Variants in GFRA2 observed in about 807,000 individuals in gnomAD.
The protein encoded by GFRA2 is GDNF family receptor alpha 2.
In GFRA2, 17 loss-of-function variants were observed where a neutral mutation model predicts 48.3. The observed-to-expected ratio is 0.35, with a 90% CI of 0.24 to 0.53. GFRA2 has a LOEUF of 0.53. GFRA2 is among the 20% of genes least tolerant of loss of function. GFRA2 has a pLI of 0.93. For synonymous variants in GFRA2, 305 were observed against 257.2 expected (o/e 1.19, Z -1.78); for missense variants, 660 against 637.3 (o/e 1.04, Z -0.38).
intron 3 of GFRA2, among the ~76,000 whole-genome samples, chr8:21,769,443 G>T (rs1332019914): frequency 6.6e-6 from 1 of 152,194 alleles, no homozygotes; most frequent in Non-Finnish European, 1.5e-5. Context: ...AGCACCTAGG[G>T]TGCTCCTGTG....
At chr8:21,732,662 G>A (rs937822933) in intron 4 of GFRA2, among the ~76,000 whole-genome samples, 5 of 152,250 alleles carry the variant, frequency 3.3e-5, no homozygotes, top group African/African-American at 1.2e-4. Flanking sequence ...GCAGGCCACA[G>A]ACAGGGGCAG....
At chr8:21,728,169 C>T (rs1803977921) in intron 4 of GFRA2, among the ~76,000 whole-genome samples, 2 of 151,992 alleles carry the variant, frequency 1.3e-5, no homozygotes, top group African/African-American at 4.8e-5. Flanking sequence ...GGTTCTCAAC[C>T]CTCACCATGA....
intron 4 of GFRA2, among the ~76,000 whole-genome samples, chr8:21,736,126 G>C (rs1456363325): frequency 6.6e-6 from 1 of 152,222 alleles, no homozygotes; most frequent in Non-Finnish European, 1.5e-5. Context: ...CCCCTGGAAA[G>C]CCTAGCACAT....
At chr8:21,788,039 GC>G (rs1357946747) in intron 1 of GFRA2, 80 bp downstream of exon 1, 4 of 272,792 alleles carry the variant, frequency 1.5e-5, no homozygotes, top group East Asian at 9.2e-5. Context: ...CCTCCCGCCA[GC>G]CCCCCACCGG....
chr8:21,799,497 T>C (rs1278575593), intron 2 of GFRA2, among the ~76,000 whole-genome samples: 1 of 152,344 alleles, frequency 6.6e-6, no homozygotes, highest in East Asian at 1.9e-4. Flanking sequence ...CACCCAGCCC[T>C]GACCAGAGGA....
chr8:21,775,675 G>A (rs368990720), intron 2 of GFRA2, among the ~76,000 whole-genome samples: 37 of 152,176 alleles, frequency 2.4e-4, no homozygotes, highest in African/African-American at 7.5e-4. Context: ...GAATCTTGCT[G>A]GAGGGGCTGA....
intron 1 of GFRA2, among the ~76,000 whole-genome samples, chr8:21,810,850 C>T (rs796846255): frequency 7.9e-5 from 12 of 152,222 alleles, no homozygotes; most frequent in African/African-American, 2.6e-4. Context: ...CAGAGGAGCC[C>T]CCAGCAACCA....
intron 7 of GFRA2, among the ~76,000 whole-genome samples, chr8:21,696,457 A>T (rs1368377148): frequency 6.6e-6 from 1 of 152,194 alleles, no homozygotes; most frequent in Non-Finnish European, 1.5e-5. Context: ...TTGAGAAAAC[A>T]ACCGACAAGA....
intron 7 of GFRA2, among the ~76,000 whole-genome samples, chr8:21,695,090 T>A (rs954434707): frequency 1.3e-5 from 2 of 152,176 alleles, no homozygotes; most frequent in Non-Finnish European, 2.9e-5. Flanking sequence ...TAGGTGGATA[T>A]CTGGCAACTG....
chr8:21,734,787 T>C (rs1234169153), intron 4 of GFRA2, among the ~76,000 whole-genome samples: 2 of 152,248 alleles, frequency 1.3e-5, no homozygotes, highest in African/African-American at 2.4e-5. Flanking sequence ...TCAGATGAAA[T>C]TCTGCTGTGA....
At chr8:21,772,660 G>C (rs1806492190) in intron 3 of GFRA2, among the ~76,000 whole-genome samples, 1 of 152,178 alleles carries the variant, frequency 6.6e-6, no homozygotes, top group Non-Finnish European at 1.5e-5. Flanking sequence ...GTGGTCCCTG[G>C]AGCACAGAAA....
At chr8:21,703,476 G>C (rs1262928086) in intron 6 of GFRA2, among the ~76,000 whole-genome samples, 1 of 152,016 alleles carries the variant, frequency 6.6e-6, no homozygotes, top group Non-Finnish European at 1.5e-5. Flanking sequence ...CTCTCCCTGG[G>C]TGGCCTCTGC....
intron 6 of GFRA2, among the ~76,000 whole-genome samples, chr8:21,703,969 A>G (rs993624638): frequency 1.3e-5 from 2 of 152,226 alleles, no homozygotes; most frequent in East Asian, 3.8e-4. Flanking sequence ...ATTCCTTCAA[A>G]CACCCACAGT....
At position 21,742,993 on chromosome 8, in the gene GFRA2, A is replaced by G. The variant is rs373376812; in HGVS notation, c.794+7595T>C. Among the ~76,000 whole-genome samples the G allele has an allele frequency of 1.4e-4, 22 of 152,296 alleles. 1 individual carries two copies. The highest frequency in any genetic ancestry group is 1.0e-3 in the South Asian group (5 of 4,828). On this transcript the variant is annotated intron_variant, in intron 4 of 8. Transcript: ENST00000524240. ...TCCTATCTTGTAAACTAGAGCTCTG[A>G]TTTGGAGCTTCTCTCTGTGTTTATT... is the stretch of plus-strand genomic sequence containing the variant.
chr8:21,700,648 G>A (rs541421264), intron 7 of GFRA2, among the ~76,000 whole-genome samples: 2 of 152,298 alleles, frequency 1.3e-5, no homozygotes, highest in African/African-American at 2.4e-5. Flanking sequence ...GGAAGATCTT[G>A]GAGGGTCTTT....
At chr8:21,733,230 A>C (rs1046498428) in intron 4 of GFRA2, among the ~76,000 whole-genome samples, 5 of 151,730 alleles carry the variant, frequency 3.3e-5, no homozygotes, top group Admixed American at 6.6e-5. Flanking sequence ...GGCTGCAGCC[A>C]CTCCTGATCC....
At chr8:21,809,388 G>T (rs918977731) in intron 1 of GFRA2, among the ~76,000 whole-genome samples, 2 of 152,188 alleles carry the variant, frequency 1.3e-5, no homozygotes, top group Non-Finnish European at 2.9e-5. Context: ...GCAGTGGCGC[G>T]ATCTCAGCTC....
intron 3 of GFRA2, among the ~76,000 whole-genome samples, chr8:21,769,752 A>G (rs1806358312): frequency 6.6e-6 from 1 of 152,192 alleles, no homozygotes; most frequent in African/African-American, 2.4e-5. Context: ...CGTGGCAGTG[A>G]GCACCATGAT....
At chr8:21,792,788 G>A (rs1396669194), upstream of GFRA2, among the ~76,000 whole-genome samples, 2 of 152,224 alleles carry the variant, frequency 1.3e-5, no homozygotes, top group Non-Finnish European at 2.9e-5. Context: ...CAGGAGGCTG[G>A]GTGTGGTGGC....
Sources: allele counts gnomAD v4.1 joint callset (sites outside exome capture counted in the v4.1 genomes callset), GRCh38; gene constraint gnomAD v4.1.1; transcripts MANE v1.5; gene names NCBI Gene and HGNC (gene_info 2026-07-23, HGNC 2026-07-21).